Variants in PM20D2 observed in about 807,000 individuals in gnomAD.
PM20D2 encodes the protein xaa-Arg dipeptidase.
Under a neutral mutation model 42.9 loss-of-function variants are expected in PM20D2, and 33 were observed. The ratio of observed to expected loss-of-function variants is 0.77; its 90% CI spans 0.58 to 1.03. The LOEUF (loss-of-function observed/expected upper bound fraction) is 1.03, where lower values mean the gene tolerates loss of function less well. Among genes scored for constraint, PM20D2 ranks in the 50% least tolerant of loss-of-function variants. The pLI is 0.00. For synonymous variants in PM20D2, 250 were observed against 228.2 expected (o/e 1.10, Z -0.86); for missense variants, 548 against 557.0 (o/e 0.98, Z 0.16).
intron 1 of PM20D2, among the ~76,000 whole-genome samples, chr6:89,146,962 C>T (rs766116941): frequency 3.3e-5 from 5 of 152,220 alleles, no homozygotes; most frequent in Non-Finnish European, 7.3e-5. Flanking sequence ...AATTTGCTGA[C>T]AAGGTTGTGC....
the PM20D2 span, among the ~76,000 whole-genome samples, chr6:89,115,114 G>C: frequency 3.4e-5 from 5 of 147,648 alleles, no homozygotes; most frequent in African/African-American, 1.3e-4. Context: ...TATTTTTTTA[G>C]ACTCTCTAAA....
chr6:89,098,486 C>T, the PM20D2 span: 2 of 1,443,026 alleles, frequency 1.4e-6, no homozygotes, highest in Non-Finnish European at 1.8e-6. Flanking sequence ...TATCAACTCG[C>T]ATTTTCTGTA....
At position 89,154,824 on chromosome 6, in the gene PM20D2, C is replaced by T; in HGVS notation, c.834C>T (p.Pro278=). The T allele has an allele frequency of 6.2e-7, 1 of 1,609,806 alleles. No individual in the cohort carries two copies. The highest frequency in any genetic ancestry group is 8.5e-7 in the Non-Finnish European group (1 of 1,178,242). The change falls in exon 4 of 7, where the codon CCC becomes CCT. Residue 278 remains proline (P), a synonymous_variant. Transcript: ENST00000275072. ...AATTAATCTATTACTTCCGTGCACC[C>T]TCAATGAAAGAACTTCAAGTTTTGA... ...YSELIYYFRA[P]SMKELQVLTK... is the part of the protein sequence containing the mutation.
chr6:89,107,646 A>C, the PM20D2 span, among the ~76,000 whole-genome samples: 735 of 151,990 alleles, frequency 4.8e-3, 8 homozygotes, highest in African/African-American at 0.016. Flanking sequence ...CGGGAGAATC[A>C]CCTGAGTGAG....
the PM20D2 span, among the ~76,000 whole-genome samples, chr6:89,129,349 A>C: frequency 3.3e-5 from 5 of 152,156 alleles, no homozygotes; most frequent in South Asian, 2.1e-4. Flanking sequence ...TGAGCAAAAG[A>C]AGCCAGATAC....
At chr6:89,116,796 A>C in the PM20D2 span, among the ~76,000 whole-genome samples, 15 of 151,996 alleles carry the variant, frequency 9.9e-5, no homozygotes, top group Non-Finnish European at 1.5e-5. Context: ...AAAAACTAAA[A>C]AATAAAAAAT....
At chr6:89,122,520 G>T in the PM20D2 span, among the ~76,000 whole-genome samples, 1 of 152,112 alleles carries the variant, frequency 6.6e-6, no homozygotes, top group Non-Finnish European at 1.5e-5. Context: ...TAATTATCAG[G>T]TCTAATCAAG....
At chr6:89,146,666 G>A in intron 1 of PM20D2, 57 bp downstream of exon 1, 1 of 1,296,988 alleles carries the variant, frequency 7.7e-7, no homozygotes, top group Non-Finnish European at 9.9e-7. Flanking sequence ...GGGGCGACCC[G>A]GGAAGGGCGG....
In PM20D2 at chr6:89,146,324, C is replaced by G; in HGVS notation, c.180C>G (p.Arg60=). ...ELAYEEHHAH[R]VLTHFFEREP... is the part of the protein sequence containing the mutation. ...CCTACGAGGAGCACCATGCCCACCG[C>G]GTGCTGACGCACTTCTTCGAGCGGG... is the stretch of plus-strand genomic sequence containing the variant. Residue 60 remains arginine (R), a synonymous_variant, in exon 1 of 7, where the codon CGC becomes CGG. Coordinates refer to ENST00000275072, the MANE Select transcript of PM20D2 (RefSeq NM_001010853.3). 6.3e-7 allele frequency: 1 copy of G among 1,575,532 alleles called. No individual in the cohort carries two copies. Among genetic ancestry groups the G allele is most frequent in the Non-Finnish European group, 8.6e-7 (1 of 1,169,060 alleles).
the PM20D2 span, among the ~76,000 whole-genome samples, chr6:89,099,540 T>TTG: frequency 7.6e-6 from 1 of 131,332 alleles, no homozygotes; most frequent in African/African-American, 3.9e-5. Context: ...ACATACATGT[T>TTG]TTTTTTTTTT....
the PM20D2 span, among the ~76,000 whole-genome samples, chr6:89,127,634 C>T: frequency 6.6e-6 from 1 of 152,144 alleles, no homozygotes; most frequent in East Asian, 1.9e-4. Flanking sequence ...AGCTGAAATG[C>T]TCTTCCAAAA....
At chr6:89,104,534 C>G in the PM20D2 span, among the ~76,000 whole-genome samples, 1 of 152,006 alleles carries the variant, frequency 6.6e-6, no homozygotes, top group African/African-American at 2.4e-5. Context: ...CTGCACGCGG[C>G]TGAGTATGTA....
chr6:89,113,357 A>C, the PM20D2 span, among the ~76,000 whole-genome samples: 2 of 152,108 alleles, frequency 1.3e-5, no homozygotes, highest in Non-Finnish European at 2.9e-5. Context: ...TATTTTTAGT[A>C]GACACAGGGT....
At chr6:89,121,099 A>G in the PM20D2 span, among the ~76,000 whole-genome samples, 1 of 152,164 alleles carries the variant, frequency 6.6e-6, no homozygotes, top group Non-Finnish European at 1.5e-5. Context: ...AATACTTAGC[A>G]TGCATGTATG....
chr6:89,106,671 T>C, the PM20D2 span: 25 of 182,422 alleles, frequency 1.4e-4, no homozygotes, highest in East Asian at 2.9e-3. Flanking sequence ...AAAACGAGAC[T>C]GGCAATTACC....
the PM20D2 span, among the ~76,000 whole-genome samples, chr6:89,120,723 A>T: frequency 6.6e-6 from 1 of 151,904 alleles, no homozygotes; most frequent in Non-Finnish European, 1.5e-5. Context: ...AAAAAAAAAA[A>T]TTAGCCAACC....
At chr6:89,159,942 G>A (rs1469408189) in intron 5 of PM20D2, among the ~76,000 whole-genome samples, 1 of 152,192 alleles carries the variant, frequency 6.6e-6, no homozygotes, top group Non-Finnish European at 1.5e-5. Flanking sequence ...CCCCGGGTTT[G>A]GGTTTTATAT....
At chr6:89,145,977 C>A, upstream of PM20D2, 1 of 508,748 alleles carries the variant, frequency 2.0e-6, no homozygotes, top group Non-Finnish European at 3.1e-6. Context: ...GCGTTTCCCG[C>A]GCGGCGCCGG....
the PM20D2 span, among the ~76,000 whole-genome samples, chr6:89,113,323 G>A: frequency 0.012 from 1,852 of 152,168 alleles, 26 homozygotes; most frequent in Non-Finnish European, 0.015. Context: ...ACAGGCGAGT[G>A]CCACCACGCC....
Sources: allele counts gnomAD v4.1 joint callset (sites outside exome capture counted in the v4.1 genomes callset), GRCh38; gene constraint gnomAD v4.1.1; transcripts MANE v1.5; gene names NCBI Gene and HGNC (gene_info 2026-07-23, HGNC 2026-07-21).